The following GPM6A variants were observed in gnomAD, a reference collection of about 807,000 sequenced individuals.
GPM6A encodes neuronal membrane glycoprotein M6-a.
GPM6A carries 7 observed loss-of-function variants against 32.1 expected under a neutral mutation model. The ratio of observed to expected loss-of-function variants is 0.22; its 90% CI spans 0.12 to 0.41. GPM6A has a LOEUF of 0.41. Ranked by LOEUF, GPM6A falls within the 10% of genes least tolerant of loss-of-function variation. The pLI is 1.00. For synonymous variants in GPM6A, 130 were observed against 123.4 expected, an observed-to-expected ratio of 1.05 and a Z score of -0.35; for missense variants, 235 against 347.2, an observed-to-expected ratio of 0.68 and a Z score of 2.57.
At chr4:175,656,779 G>C (rs925951762) in intron 3 of GPM6A, among the ~76,000 whole-genome samples, 2 of 152,168 alleles carry the variant, frequency 1.3e-5, no homozygotes, top group Non-Finnish European at 1.5e-5. Context: ...CAGCAGATGT[G>C]CACCAGTAGA....
At chr4:175,682,373 C>T (rs1743736101) in intron 2 of GPM6A, among the ~76,000 whole-genome samples, 1 of 151,882 alleles carries the variant, frequency 6.6e-6, no homozygotes, top group African/African-American at 2.4e-5. Context: ...TACAGCCTGA[C>T]CATGTGGCAA....
chr4:175,958,859 T>C (rs1740074593), intron 1 of GPM6A, among the ~76,000 whole-genome samples: 1 of 152,210 alleles, frequency 6.6e-6, no homozygotes, highest in Admixed American at 6.5e-5. Context: ...GCTACTCAGA[T>C]CCATTTCCAT....
At chr4:175,861,563 G>A (rs1250415925) in intron 1 of GPM6A, among the ~76,000 whole-genome samples, 1 of 151,318 alleles carries the variant, frequency 6.6e-6, no homozygotes, top group Non-Finnish European at 1.5e-5. Context: ...ACCAGCCTGG[G>A]CAACATGGCA....
At chr4:175,797,027 G>A (rs1734260475) in intron 1 of GPM6A, among the ~76,000 whole-genome samples, 1 of 151,782 alleles carries the variant, frequency 6.6e-6, no homozygotes, top group Non-Finnish European at 1.5e-5. Context: ...GATTACTAAG[G>A]ATTCTCTTCT....
chr4:175,995,975 G>A (rs1741296573), intron 1 of GPM6A, among the ~76,000 whole-genome samples: 1 of 146,156 alleles, frequency 6.8e-6, no homozygotes. Context: ...AGTGAGCATT[G>A]AGTACACAGC....
chr4:175,700,423 GT>G (rs909701438), intron 2 of GPM6A, among the ~76,000 whole-genome samples: 3 of 152,066 alleles, frequency 2.0e-5, no homozygotes, highest in Non-Finnish European at 4.4e-5. Flanking sequence ...TTGACCAAGT[GT>G]TTTTTCAGAG....
At chr4:175,828,256 A>G (rs1304149503) in intron 1 of GPM6A, among the ~76,000 whole-genome samples, 9 of 152,294 alleles carry the variant, frequency 5.9e-5, no homozygotes, top group Non-Finnish European at 1.3e-4. Context: ...TAGTCAGGGT[A>G]GAAGGCAAGA....
chr4:175,876,413 C>A (rs190415581), intron 1 of GPM6A, among the ~76,000 whole-genome samples: 110 of 152,302 alleles, frequency 7.2e-4, no homozygotes, highest in African/African-American at 2.5e-3. Context: ...CAAAATTAGA[C>A]TTTGCATTTT....
intron 1 of GPM6A, among the ~76,000 whole-genome samples, chr4:175,769,090 G>T (rs1382106468): frequency 2.0e-4 from 30 of 151,428 alleles, no homozygotes; most frequent in Admixed American, 1.9e-3. Flanking sequence ...GTGAGACTCT[G>T]TCTCTAAATA....
chr4:175,767,792 G>C (rs754700367), intron 1 of GPM6A, among the ~76,000 whole-genome samples: 11 of 152,184 alleles, frequency 7.2e-5, no homozygotes, highest in Non-Finnish European at 1.5e-4. Flanking sequence ...CATGAATTCA[G>C]AGTTATAATG....
chr4:175,925,464 A>C (rs547044035), intron 1 of GPM6A, among the ~76,000 whole-genome samples: 41 of 152,258 alleles, frequency 2.7e-4, no homozygotes, highest in Non-Finnish European at 5.0e-4. Flanking sequence ...TTTAATTCTT[A>C]AAATGATTTG....
intron 1 of GPM6A, among the ~76,000 whole-genome samples, chr4:175,803,623 A>C (rs936786859): frequency 6.6e-6 from 1 of 152,204 alleles, no homozygotes; most frequent in Admixed American, 6.5e-5. Flanking sequence ...AATGGTAGAG[A>C]AAATTAATTC....
At chr4:175,985,026 G>A (rs895290240) in intron 1 of GPM6A, among the ~76,000 whole-genome samples, 27 of 152,164 alleles carry the variant, frequency 1.8e-4, no homozygotes, top group African/African-American at 5.6e-4. Context: ...TAGATATTTA[G>A]AAGGCTTAAT....
At chr4:175,805,284 T>C (rs1734649081) in intron 1 of GPM6A, among the ~76,000 whole-genome samples, 1 of 152,156 alleles carries the variant, frequency 6.6e-6, no homozygotes, top group African/African-American at 2.4e-5. Flanking sequence ...TTATTTTTGT[T>C]AAGAAAGAAT....
chr4:175,805,077 T>A (rs1579521731), intron 1 of GPM6A, among the ~76,000 whole-genome samples: 1 of 150,274 alleles, frequency 6.7e-6, no homozygotes, highest in African/African-American at 2.5e-5. Flanking sequence ...AAAAACAAAA[T>A]GAAAGTGGAT....
At chr4:175,756,541 C>T (rs914672562) in intron 1 of GPM6A, among the ~76,000 whole-genome samples, 2 of 151,974 alleles carry the variant, frequency 1.3e-5, no homozygotes, top group Admixed American at 1.3e-4. Flanking sequence ...TATGGTGGAA[C>T]CATTCATTGG....
intron 1 of GPM6A, chr4:175,962,335 A>G (rs1459940871): frequency 1.1e-6 from 1 of 871,552 alleles, no homozygotes. Context: ...ACTCCTGAAC[A>G]TCAGCTTCTT....
chr4:175,829,847 G>A (rs1735555757), intron 1 of GPM6A, among the ~76,000 whole-genome samples: 1 of 151,590 alleles, frequency 6.6e-6, no homozygotes, highest in South Asian at 2.1e-4. Flanking sequence ...CTAAATGCAG[G>A]TTACTAGAAA....
chr4:175,712,779 C>G (rs1052815453), intron 1 of GPM6A, among the ~76,000 whole-genome samples: 1 of 152,178 alleles, frequency 6.6e-6, no homozygotes, highest in Non-Finnish European at 1.5e-5. Context: ...GTTTCTTGAG[C>G]ACCTGTTTCT....
Sources: gnomAD v4.1 joint callset for allele counts (sites outside exome capture counted in the v4.1 genomes callset) on GRCh38, gnomAD v4.1.1 for gene constraint, MANE v1.5 for transcripts, NCBI Gene and HGNC (gene_info 2026-07-23, HGNC 2026-07-21) for gene names.